Variants in FAM193A observed in about 807,000 individuals in gnomAD.
FAM193A encodes the protein family with sequence similarity 193 member A, also known as protein FAM193A.
FAM193A carries 22 observed loss-of-function variants against 126.5 expected under a neutral mutation model. The observed-to-expected ratio is 0.17, with a 90% CI of 0.12 to 0.25. FAM193A has a LOEUF of 0.25. Ranked by LOEUF, FAM193A falls within the 10% of genes least tolerant of loss-of-function variation. FAM193A has a pLI of 1.00. For missense variants in FAM193A, 1,675 were observed against 1,672.8 expected (o/e 1.00, Z -0.02); for synonymous variants, 761 against 646.8 (o/e 1.18, Z -2.68).
chr4:2,636,741 T>A (rs568227928), intron 5 of FAM193A, among the ~76,000 whole-genome samples: 2 of 152,196 alleles, frequency 1.3e-5, no homozygotes, highest in Non-Finnish European at 2.9e-5. Flanking sequence ...TAAAGTTTTC[T>A]TTTTTGCTTG....
intron 17 of FAM193A, 149 bp from the exon 18 acceptor site, chr4:2,696,214 C>G: frequency 1.7e-6 from 1 of 605,728 alleles, no homozygotes; most frequent in South Asian, 2.3e-5. Context: ...AGGTTTTTCT[C>G]TTTTTCTGCT....
At chr4:2,544,354 G>C (rs1737421178) in intron 1 of FAM193A, among the ~76,000 whole-genome samples, 1 of 151,950 alleles carries the variant, frequency 6.6e-6, no homozygotes, top group Non-Finnish European at 1.5e-5. Context: ...GAGGCCAGGA[G>C]TTCAGGACCA....
chr4:2,674,573 T>C (rs144286434), intron 13 of FAM193A, among the ~76,000 whole-genome samples: 3 of 152,192 alleles, frequency 2.0e-5, no homozygotes, highest in African/African-American at 7.2e-5. Context: ...TTGGGGAGTT[T>C]CTGCTGTGCT....
chr4:2,715,466 T>A (rs1293062789), intron 19 of FAM193A: 2 of 984,610 alleles, frequency 2.0e-6, no homozygotes, highest in African/African-American at 3.5e-5. Flanking sequence ...GAAAAAAGTT[T>A]TTGATGAAAT....
chr4:2,565,299 C>T (rs1018175196), intron 1 of FAM193A, among the ~76,000 whole-genome samples: 1 of 135,836 alleles, frequency 7.4e-6, no homozygotes, highest in Non-Finnish European at 1.5e-5. Context: ...CTCCCTCTGT[C>T]GCCAGGCTGG....
chr4:2,647,975 G>C (rs1745315109), intron 7 of FAM193A, among the ~76,000 whole-genome samples: 1 of 152,120 alleles, frequency 6.6e-6, no homozygotes, highest in African/African-American at 2.4e-5. Flanking sequence ...AAGAAGGAAG[G>C]GACTAGCATG....
intron 7 of FAM193A, among the ~76,000 whole-genome samples, chr4:2,657,350 T>C (rs1041418909): frequency 6.6e-6 from 1 of 152,220 alleles, no homozygotes; most frequent in East Asian, 1.9e-4. Context: ...CTTTAACTCC[T>C]AACTTCTTTG....
At chr4:2,678,403 C>T (rs1410484807) in intron 13 of FAM193A, among the ~76,000 whole-genome samples, 1 of 145,154 alleles carries the variant, frequency 6.9e-6, no homozygotes, top group Non-Finnish European at 1.5e-5. Context: ...CACTTTGTCG[C>T]CTACGCTGGA....
Position 2,626,548 on chromosome 4 carries a change from CAAG to C in FAM193A, c.775_777del (p.Lys259del). On this transcript the variant is annotated inframe_deletion, in exon 4 of 21. Transcript: ENST00000637812. ...ACCAGGACCAGTCTCTGGTGCCTGACAAGGAGGGAGTGAAGGAGCTCGTGGATA... is the reference window on the plus strand; with the variant it reads ...ACCAGGACCAGTCTCTGGTGCCTGACGAGGGAGTGAAGGAGCTCGTGGATA... 4.3e-6 allele frequency: 3 copies of C among 701,942 alleles called. No individual in the cohort carries two copies. The highest frequency in any genetic ancestry group is 7.8e-6 in the Non-Finnish European group (3 of 384,766). 43.5% of individuals were successfully genotyped at this position (701,942 alleles called of 1,614,324 possible).
intron 20 of FAM193A, among the ~76,000 whole-genome samples, chr4:2,723,803 T>G (rs1720427398): frequency 6.6e-6 from 1 of 151,988 alleles, no homozygotes; most frequent in South Asian, 2.1e-4. Context: ...GGGTTTTTTG[T>G]TTGTTTGTTT....
intron 1 of FAM193A, among the ~76,000 whole-genome samples, chr4:2,541,531 C>T (rs1158413769): frequency 6.6e-6 from 1 of 150,434 alleles, no homozygotes; most frequent in Non-Finnish European, 1.5e-5. Context: ...CTGCAACCTC[C>T]ACCTCCTGGG....
chr4:2,628,823 C>T (rs894542810), intron 4 of FAM193A, among the ~76,000 whole-genome samples: 1 of 151,612 alleles, frequency 6.6e-6, no homozygotes, highest in African/African-American at 2.4e-5. Context: ...AATGAGCTTC[C>T]TAGCTTCTTC....
At chr4:2,610,880 G>A (rs1175997084) in intron 2 of FAM193A, among the ~76,000 whole-genome samples, 1 of 151,978 alleles carries the variant, frequency 6.6e-6, no homozygotes, top group Non-Finnish European at 1.5e-5. Context: ...TGAGATTACA[G>A]GCATGCACCA....
At chr4:2,719,770 TCCTC>T (rs147495184) in intron 20 of FAM193A, among the ~76,000 whole-genome samples, 18 of 127,136 alleles carry the variant, frequency 1.4e-4, no homozygotes, top group South Asian at 2.4e-4. Flanking sequence ...CCTCCTTCCT[TCCTC>T]CCTCCCTCCC....
At chr4:2,626,998 A>T (rs917948557) in intron 4 of FAM193A, among the ~76,000 whole-genome samples, 2 of 151,968 alleles carry the variant, frequency 1.3e-5, no homozygotes, top group African/African-American at 4.8e-5. Flanking sequence ...TAGCTTGTGT[A>T]TGTGCCTGTG....
rs751407632 is a variant in FAM193A at position 2,693,844 on chromosome 4, G to C, written c.3062G>C (p.Gly1021Ala). The stretch of plus-strand genomic sequence containing the variant: ...GCACCCCTACCCCCGGCCACAGATG[G>C]CTCCATTAGCGCCCCTCCAAGTGTC... The part of the protein sequence containing the change: ...CPAPLPPATD[G>A]SISAPPSVCS... Residue 1021 changes from glycine (G) to alanine (A), a missense_variant, in exon 16 of 21, where the codon GGC (glycine) becomes GCC (alanine). Coordinates refer to ENST00000637812, the MANE Select transcript of FAM193A (RefSeq NM_001366318.2). The C allele has an allele frequency of 6.2e-7, 1 of 1,614,050 alleles. No individual in the cohort carries two copies. Among genetic ancestry groups the C allele is most frequent in the South Asian group, 1.1e-5 (1 of 91,072 alleles).
At position 2,663,028 on chromosome 4, in the gene FAM193A, C is replaced by G. The variant is rs1274234647; in HGVS notation, c.1899+37C>G. The G allele has an allele frequency of 1.9e-6, 3 of 1,597,776 alleles. No individual in the cohort carries two copies. In the Admixed American group the frequency reaches 5.1e-5, roughly 27 times the overall value. On this transcript the variant is annotated intron_variant, in intron 11 of 20. Coordinates refer to ENST00000637812, the MANE Select transcript of FAM193A (RefSeq NM_001366318.2). ...GCTTCTTCGTAGCAACAATAAATGACATAAAATGATGGTCTGACATTTTAA... is the reference window on the plus strand; with the variant it reads ...GCTTCTTCGTAGCAACAATAAATGAGATAAAATGATGGTCTGACATTTTAA...
At chr4:2,711,370 C>T (rs572675245) in intron 19 of FAM193A, among the ~76,000 whole-genome samples, 3 of 151,790 alleles carry the variant, frequency 2.0e-5, no homozygotes, top group African/African-American at 4.8e-5. Context: ...GATGGAGTCT[C>T]TCTCTGTCGC....
chr4:2,720,994 C>G (rs896998163), intron 20 of FAM193A, among the ~76,000 whole-genome samples: 2 of 152,072 alleles, frequency 1.3e-5, no homozygotes, highest in African/African-American at 4.8e-5. Context: ...CAACATAGAC[C>G]ACAACTCTAC....
Sources: gnomAD v4.1 joint callset for allele counts (sites outside exome capture counted in the v4.1 genomes callset) on GRCh38, gnomAD v4.1.1 for gene constraint, MANE v1.5 for transcripts, NCBI Gene and HGNC (gene_info 2026-07-23, HGNC 2026-07-21) for gene names.